The following LCLAT1 variants were observed in gnomAD, a reference collection of about 807,000 sequenced individuals.
The protein encoded by LCLAT1 is lysocardiolipin acyltransferase 1, also known as 1-AGP acyltransferase 8.
Under a neutral mutation model 30.7 loss-of-function variants are expected in LCLAT1, and 11 were observed. The observed-to-expected ratio is 0.36, with a 90% confidence interval of 0.23 to 0.59. The LOEUF (loss-of-function observed/expected upper bound fraction) is 0.59. LCLAT1 is among the 20% of genes least tolerant of loss of function. The pLI is 0.77. For missense variants in LCLAT1, 402 were observed against 458.6 expected (o/e 0.88, Z 1.13); for synonymous variants, 155 against 151.3 (o/e 1.02, Z -0.18).
chr2:30,466,349 T>C (rs1465970743), intron 1 of LCLAT1, among the ~76,000 whole-genome samples: 1 of 151,976 alleles, frequency 6.6e-6, no homozygotes, highest in African/African-American at 2.4e-5. Context: ...CCACCTTGGC[T>C]TCCCAAAGTG....
chr2:30,500,136 A>G (rs929313437), intron 1 of LCLAT1, among the ~76,000 whole-genome samples: 6 of 152,236 alleles, frequency 3.9e-5, no homozygotes, highest in African/African-American at 1.2e-4. Context: ...ATAGAATTCA[A>G]TCAGAAATGC....
intron 3 of LCLAT1, among the ~76,000 whole-genome samples, chr2:30,539,759 C>CTA (rs1005776635): frequency 3.8e-4 from 58 of 152,224 alleles, no homozygotes; most frequent in African/African-American, 1.3e-3. Flanking sequence ...AAAAGAATCT[C>CTA]TAATAATTTG....
intron 4 of LCLAT1, among the ~76,000 whole-genome samples, chr2:30,564,775 C>T (rs1441969027): frequency 1.3e-5 from 2 of 152,056 alleles, no homozygotes; most frequent in East Asian, 3.9e-4. Context: ...GTTTTTCAGC[C>T]CAGTGAGACT....
intron 1 of LCLAT1, among the ~76,000 whole-genome samples, chr2:30,497,037 G>T (rs1331764359): frequency 6.6e-6 from 1 of 152,186 alleles, no homozygotes; most frequent in Non-Finnish European, 1.5e-5. Flanking sequence ...TAAGTTTCAT[G>T]AGACTTCTGT....
intron 5 of LCLAT1, among the ~76,000 whole-genome samples, chr2:30,615,073 G>A (rs1014149162): frequency 6.6e-6 from 1 of 152,150 alleles, no homozygotes; most frequent in Non-Finnish European, 1.5e-5. Flanking sequence ...AGCTCAGGAA[G>A]TTTAGCTGTG....
chr2:30,573,994 A>G (rs894590000), intron 5 of LCLAT1, among the ~76,000 whole-genome samples: 4 of 152,124 alleles, frequency 2.6e-5, no homozygotes, highest in African/African-American at 9.7e-5. Context: ...TACAAAAATT[A>G]GCCAAGCATT....
At position 30,456,751 on chromosome 2, in the gene LCLAT1, C is replaced by G. The variant is rs79578504; in HGVS notation, c.-5+9368C>G. 4.9e-3 allele frequency among the ~76,000 whole-genome samples: 750 copies of G among 152,238 alleles called. 6 individuals are homozygous for G. Among genetic ancestry groups the G allele is most frequent in the African/African-American group, 0.017 (725 of 41,544 alleles). On this transcript the variant is annotated intron_variant, in intron 1 of 5. Transcript: ENST00000379509. ...TCACCACCATATTTTCCATGGGTCC[C>G]AAGGTCCCTACCTGGTTTGCCTTAT...
chr2:30,476,855 C>G (rs957791394), intron 1 of LCLAT1, among the ~76,000 whole-genome samples: 1 of 152,152 alleles, frequency 6.6e-6, no homozygotes, highest in Non-Finnish European at 1.5e-5. Flanking sequence ...ATTTAGTTGT[C>G]TGTATTAAGC....
intron 1 of LCLAT1, among the ~76,000 whole-genome samples, chr2:30,524,133 C>T (rs928149726): frequency 3.3e-5 from 5 of 151,998 alleles, no homozygotes; most frequent in African/African-American, 4.8e-5. Context: ...CACAGTTTTT[C>T]TCTAACATAG....
chr2:30,468,184 A>T (rs1682549740), intron 1 of LCLAT1, among the ~76,000 whole-genome samples: 1 of 152,206 alleles, frequency 6.6e-6, no homozygotes, highest in Non-Finnish European at 1.5e-5. Context: ...CAGCACTAGC[A>T]CCATTTATTA....
At chr2:30,605,278 T>C (rs1375905003) in intron 5 of LCLAT1, among the ~76,000 whole-genome samples, 1 of 152,242 alleles carries the variant, frequency 6.6e-6, no homozygotes, top group Admixed American at 6.5e-5. Flanking sequence ...CAGCCCTTGC[T>C]TAGACCAGCT....
chr2:30,526,392 T>C (rs1685723311), intron 2 of LCLAT1, among the ~76,000 whole-genome samples: 1 of 152,166 alleles, frequency 6.6e-6, no homozygotes, highest in South Asian at 2.1e-4. Flanking sequence ...TCTTCTATCA[T>C]CTTTAATCTG....
At chr2:30,459,486 A>G (rs1007417105) in intron 1 of LCLAT1, 6 of 716,368 alleles carry the variant, frequency 8.4e-6, no homozygotes, top group Middle Eastern at 2.5e-4. Context: ...GAACCATCTG[A>G]TGAGCCCGGT....
intron 1 of LCLAT1, among the ~76,000 whole-genome samples, chr2:30,460,834 T>G (rs909192808): frequency 2.6e-5 from 4 of 152,194 alleles, no homozygotes; most frequent in Non-Finnish European, 5.9e-5. Flanking sequence ...GCTAGTGATT[T>G]AATCACTGAT....
At chr2:30,599,328 G>T (rs1667074908) in intron 5 of LCLAT1, among the ~76,000 whole-genome samples, 1 of 152,182 alleles carries the variant, frequency 6.6e-6, no homozygotes, top group Non-Finnish European at 1.5e-5. Context: ...TTGTGCTGTG[G>T]TCTGAGAGAC....
chr2:30,491,624 G>A (rs1683835570), intron 1 of LCLAT1, among the ~76,000 whole-genome samples: 1 of 152,200 alleles, frequency 6.6e-6, no homozygotes, highest in Non-Finnish European at 1.5e-5. Flanking sequence ...AAAGCTTAAA[G>A]CAGGTGGCCT....
intron 1 of LCLAT1, among the ~76,000 whole-genome samples, chr2:30,524,147 A>C (rs1685600905): frequency 6.6e-6 from 1 of 152,180 alleles, no homozygotes; most frequent in Non-Finnish European, 1.5e-5. Context: ...AACATAGTTT[A>C]GGTTGTAAAA....
rs67813132 is a variant in LCLAT1, at chr2:30,555,839, CTT to C, written c.365-6292_365-6291del. Among the ~76,000 whole-genome samples the C allele has an allele frequency of 1.2e-3, 156 of 127,066 alleles. 1 individual carries two copies. The highest frequency in any genetic ancestry group is 3.1e-3 in the Admixed American group (39 of 12,588). 83.4% of individuals were successfully genotyped at this position (127,066 alleles called of 152,430 possible). On this transcript the variant is annotated intron_variant, in intron 3 of 5. Transcript: ENST00000379509. ...ACAAACTATTTCTTTTTTTCTTTTT[CTT>C]TTTTTTTTTTTTTTGAGATAGAGTC...
intron 1 of LCLAT1, among the ~76,000 whole-genome samples, chr2:30,456,786 C>T (rs1243090345): frequency 6.6e-6 from 1 of 152,188 alleles, no homozygotes; most frequent in Non-Finnish European, 1.5e-5. Context: ...TCTGTATCTT[C>T]AGAGTCCAGA....
Sources: gnomAD v4.1 joint callset for allele counts (sites outside exome capture counted in the v4.1 genomes callset) on GRCh38, gnomAD v4.1.1 for gene constraint, MANE v1.5 for transcripts, NCBI Gene and HGNC (gene_info 2026-07-23, HGNC 2026-07-21) for gene names.